G3BP2: variants seen among roughly 807,000 people sequenced by gnomAD.
G3BP2 encodes the protein ras GTPase-activating protein-binding protein 2.
A neutral mutation model predicts 56.7 loss-of-function variants in G3BP2; 11 were observed. The ratio of observed to expected loss-of-function variants is 0.19; its 90% CI spans 0.12 to 0.32. The LOEUF is 0.32. G3BP2 is among the 10% of genes least tolerant of loss of function. The probability of loss-of-function intolerance (pLI) is 1.00; values close to 1 mark genes in which losing one functional copy is unlikely to be tolerated. For missense variants in G3BP2, 340 were observed against 610.9 expected (o/e 0.56, Z 4.67); for synonymous variants, 165 against 191.6 (o/e 0.86, Z 1.15).
chr4:75,684,943 G>T (rs536180681), intron 3 of G3BP2, among the ~76,000 whole-genome samples: 115 of 152,016 alleles, frequency 7.6e-4, no homozygotes, highest in African/African-American at 2.6e-3. Flanking sequence ...ATAGTATAAA[G>T]AATACTATTT....
chr4:75,664,305 G>C (rs771544122), intron 1 of G3BP2, among the ~76,000 whole-genome samples: 2 of 152,070 alleles, frequency 1.3e-5, no homozygotes, highest in African/African-American at 2.4e-5. Context: ...AGCCAGGTGC[G>C]GTGGCTGACG....
chr4:75,717,076 C>T (rs1719957866), intron 3 of G3BP2, among the ~76,000 whole-genome samples: 1 of 152,138 alleles, frequency 6.6e-6, no homozygotes, highest in Non-Finnish European at 1.5e-5. Context: ...GGTTACTGAG[C>T]CCATCCTGAT....
chr4:75,678,296 TTGTGTGTGTGTGTG>T (rs57550763), upstream of G3BP2, among the ~76,000 whole-genome samples: 2,666 of 144,502 alleles, frequency 0.018, 56 homozygotes, highest in African/African-American at 0.051. Flanking sequence ...CGTGCCTAGC[TTGTGTGTGTGTGTG>T]TGTGTGTGTG....
At position 75,643,018 on chromosome 4, in the gene G3BP2, A is replaced by G. The variant is rs1275714762; in HGVS notation, c.*2412T>C. 7.9e-5 allele frequency: 12 copies of G among 152,588 alleles called. No homozygotes were observed. Among genetic ancestry groups the G allele is most frequent in the Non-Finnish European group, 1.5e-5 (1 of 67,998 alleles). 9.5% of individuals were successfully genotyped at this position (152,588 alleles called of 1,614,324 possible). Reference sequence around the variant, plus strand: ...AAGGATAGAATATTACCATCAAAAAATAAAACAAAATCAGCAAATAACAGT... The same window carrying G: ...AAGGATAGAATATTACCATCAAAAAGTAAAACAAAATCAGCAAATAACAGT... On this transcript the variant is annotated 3_prime_UTR_variant, in exon 12 of 12. Coordinates refer to ENST00000359707, the MANE Select transcript of G3BP2 (RefSeq NM_203505.3).
intron 10 of G3BP2, among the ~76,000 whole-genome samples, 168 bp downstream of exon 10, chr4:75,646,861 T>C (rs1457529244): frequency 4.0e-5 from 6 of 151,328 alleles, no homozygotes; most frequent in Non-Finnish European, 8.8e-5. Context: ...CTGAGAAACA[T>C]GTGAGATAAG....
At chr4:75,682,316 T>G (rs1734110841) in intron 3 of G3BP2, among the ~76,000 whole-genome samples, 1 of 150,612 alleles carries the variant, frequency 6.6e-6, no homozygotes, top group African/African-American at 2.5e-5. Flanking sequence ...TCGGGAGGGC[T>G]GAGGCAGGAA....
intron 3 of G3BP2, chr4:75,694,953 C>G (rs772249057): frequency 2.0e-6 from 2 of 984,940 alleles, no homozygotes; most frequent in Non-Finnish European, 2.4e-6. Context: ...ACAAGAAAGG[C>G]AGGACTGTGA....
chr4:75,650,075 G>A lies in G3BP2; in HGVS notation c.826-1334C>T, dbSNP rs563112605. On this transcript the variant is annotated intron_variant, in intron 8 of 11. Coordinates refer to ENST00000359707, the MANE Select transcript of G3BP2 (RefSeq NM_203505.3). Reference sequence around the variant, plus strand: ...CTCTGAGGACCTCAGTCCATGCAGCGGCTCAAACTCTTTAATCATTTATAT... The same window carrying A: ...CTCTGAGGACCTCAGTCCATGCAGCAGCTCAAACTCTTTAATCATTTATAT... 5.3e-5 allele frequency among the ~76,000 whole-genome samples: 8 copies of A among 152,094 alleles called. No individual in the cohort carries two copies. The South Asian group carries it at 6.2e-4, about 12-fold the overall frequency.
At position 75,654,012 on chromosome 4, in the gene G3BP2, G is replaced by A. The variant is rs150020326; in HGVS notation, c.796C>T (p.Pro266Ser). The change falls in exon 8 of 12, where the codon CCA becomes TCA. Residue 266 changes from proline (P) to serine (S), a missense_variant. Transcript: ENST00000359707. Reference sequence around the variant, plus strand: ...GAGACTGGTGCTTTAACATGGGGTGGAATTCCAGAGGAAGAAACAGTACCA... The same window carrying A: ...GAGACTGGTGCTTTAACATGGGGTGAAATTCCAGAGGAAGAAACAGTACCA... ...PSGTVSSSGI[P>S]PHVKAPVSQP... 38 of 1,581,506 alleles carry A rather than the reference G, an allele frequency of 2.4e-5. No homozygotes were observed. The highest frequency in any genetic ancestry group is 3.2e-5 in the Non-Finnish European group (37 of 1,150,602).
upstream of G3BP2, among the ~76,000 whole-genome samples, chr4:75,674,716 A>ATTT (rs1379462396): frequency 4.5e-4 from 24 of 53,076 alleles, no homozygotes; most frequent in African/African-American, 1.6e-3. Context: ...ATATATATAT[A>ATTT]TATTTTTTTT....
chr4:75,653,915 AG>A, intron 8 of G3BP2, 67 bp downstream of exon 8: 1 of 742,226 alleles, frequency 1.3e-6, no homozygotes, highest in Non-Finnish European at 2.4e-6. Context: ...CATTTTTAAA[AG>A]TATTTTAAAA....
intron 3 of G3BP2, among the ~76,000 whole-genome samples, chr4:75,679,581 T>G (rs1401487485): frequency 1.3e-5 from 2 of 152,170 alleles, no homozygotes; most frequent in Non-Finnish European, 2.9e-5. Flanking sequence ...AGATTTTAGG[T>G]ATGTAACTTG....
At chr4:75,689,819 A>G (rs1371338148) in intron 3 of G3BP2, among the ~76,000 whole-genome samples, 1 of 152,228 alleles carries the variant, frequency 6.6e-6, no homozygotes, top group East Asian at 1.9e-4. Flanking sequence ...AATCCTACAA[A>G]CACAATGTTG....
chr4:75,706,886 C>T (rs1719565608), intron 3 of G3BP2, among the ~76,000 whole-genome samples: 1 of 151,998 alleles, frequency 6.6e-6, no homozygotes, highest in South Asian at 2.1e-4. Context: ...CTGCTAACAA[C>T]CTTAACAGCA....
chr4:75,658,923 A>C lies in G3BP2; in HGVS notation c.97T>G (p.Phe33Val). The change falls in exon 3 of 12, where the codon TTT becomes GTT. Residue 33 changes from phenylalanine (F) to valine (V), a missense_variant and splice_region_variant. Coordinates refer to ENST00000359707, the MANE Select transcript of G3BP2 (RefSeq NM_203505.3). ...LNKAPEYLHR[F>V]YGRNSSYVHG... ...ACATAGGAAGAATTCCTGCCATAAA[A>C]CCTGCAAAACCATAATTAATGATTA... 1 of 1,601,562 alleles carries C rather than the reference A, an allele frequency of 6.2e-7. No individual in the cohort carries two copies. Among genetic ancestry groups the C allele is most frequent in the Non-Finnish European group, 8.6e-7 (1 of 1,168,568 alleles).
At chr4:75,684,623 G>A (rs2149072157) in intron 3 of G3BP2, among the ~76,000 whole-genome samples, 1 of 152,178 alleles carries the variant, frequency 6.6e-6, no homozygotes, top group East Asian at 1.9e-4. Context: ...AAAGCAAACT[G>A]CAGCCTCAAA....
At chr4:75,649,070 G>T (rs1022991963) in intron 8 of G3BP2, 9 of 182,076 alleles carry the variant, frequency 4.9e-5, no homozygotes, top group Non-Finnish European at 1.0e-4. Flanking sequence ...AAAAATGCAA[G>T]ATGAACCACT....
At chr4:75,701,784 T>C (rs1047832259) in intron 3 of G3BP2, among the ~76,000 whole-genome samples, 9 of 152,208 alleles carry the variant, frequency 5.9e-5, no homozygotes, top group African/African-American at 2.2e-4. Context: ...CAAATACTGA[T>C]ACAATTTTGG....
chr4:75,698,155 G>T (rs2149091267), intron 3 of G3BP2, among the ~76,000 whole-genome samples: 1 of 152,304 alleles, frequency 6.6e-6, no homozygotes, highest in Admixed American at 6.5e-5. Flanking sequence ...TTCAGATGGG[G>T]AGTTTATCCT....
Sources: gnomAD v4.1 joint callset for allele counts (sites outside exome capture counted in the v4.1 genomes callset) on GRCh38, gnomAD v4.1.1 for gene constraint, MANE v1.5 for transcripts, NCBI Gene and HGNC (gene_info 2026-07-23, HGNC 2026-07-21) for gene names.